STK24: variants seen among roughly 807,000 people sequenced by gnomAD.
STK24 encodes the protein serine/threonine kinase 24, also known as serine/threonine-protein kinase 24.
A neutral mutation model predicts 55.6 loss-of-function variants in STK24; 21 were observed. That is an observed-to-expected ratio of 0.38 (90% CI 0.27 to 0.54). The LOEUF is 0.54. Ranked by LOEUF, STK24 falls within the 20% of genes least tolerant of loss-of-function variation. The pLI, the probability that STK24 is intolerant of heterozygous loss-of-function variation, is 0.79. For synonymous variants in STK24, 200 were observed against 215.2 expected, an observed-to-expected ratio of 0.93 and a Z score of 0.62; for missense variants, 383 against 538.4, an observed-to-expected ratio of 0.71 and a Z score of 2.86.
At chr13:98,509,957 C>T (rs911465192) in intron 2 of STK24, among the ~76,000 whole-genome samples, 2 of 152,148 alleles carry the variant, frequency 1.3e-5, no homozygotes, top group African/African-American at 4.8e-5. Context: ...TGGATTTGAC[C>T]ACGACATATT....
intron 1 of STK24, chr13:98,543,139 A>G (rs1896934485): frequency 1.3e-5 from 6 of 459,234 alleles, no homozygotes; most frequent in Non-Finnish European, 1.7e-5. Context: ...CAAAGTTTAC[A>G]GCTTCGGGAA....
chr13:98,456,990 T>C, intron 10 of STK24, 178 bp downstream of exon 10: 3 of 774,210 alleles, frequency 3.9e-6, no homozygotes, highest in Non-Finnish European at 6.0e-6. Flanking sequence ...AGATCCTTCA[T>C]TCACATTGAT....
Position 98,475,250 on chromosome 13 carries a change from C to T in STK24, c.439G>A (p.Ala147Thr). The T allele has an allele frequency of 6.2e-7, 1 of 1,607,642 alleles. No homozygotes were observed. The highest frequency in any genetic ancestry group is 8.5e-7 in the Non-Finnish European group (1 of 1,175,760). Residue 147 changes from alanine to threonine, a missense_variant and splice_region_variant, in exon 4 of 11, where the codon GCG (alanine) becomes ACG (threonine). Physicochemically the swap from Ala to Thr is moderately conservative, Grantham distance 58. Coordinates refer to ENST00000539966, the MANE Select transcript of STK24 (RefSeq NM_001032296.4). Reference protein sequence around the residue: ...SEKKIHRDIKAANVLLSEHGE... With the variant: ...SEKKIHRDIKTANVLLSEHGE... ...GGAATGAAAACGGATGTCCTCTTAC[C>T]TTTAATGTCTCTGTGGATTTTCTTC... is the stretch of plus-strand genomic sequence containing the variant.
At chr13:98,473,454 G>A (rs1894236337) in intron 5 of STK24, among the ~76,000 whole-genome samples, 1 of 151,156 alleles carries the variant, frequency 6.6e-6, no homozygotes, top group Non-Finnish European at 1.5e-5. Context: ...TTTGATAAAT[G>A]GGGTCAGCTT....
chr13:98,534,960 G>A (rs2139408270), intron 1 of STK24, among the ~76,000 whole-genome samples: 1 of 152,308 alleles, frequency 6.6e-6, no homozygotes, highest in East Asian at 1.9e-4. Context: ...TAAATCAGCT[G>A]TTTGGGCAGC....
intron 2 of STK24, among the ~76,000 whole-genome samples, chr13:98,507,299 ACT>A (rs1343623445): frequency 6.6e-6 from 1 of 152,102 alleles, no homozygotes; most frequent in Admixed American, 6.5e-5. Flanking sequence ...GAATGAGGAA[ACT>A]CTGGCCCTAA....
At chr13:98,522,894 G>C (rs1266384787) in intron 1 of STK24, among the ~76,000 whole-genome samples, 2 of 152,202 alleles carry the variant, frequency 1.3e-5, no homozygotes, top group Non-Finnish European at 2.9e-5. Flanking sequence ...TGGAGGGAAG[G>C]GGAAAGCCCT....
At chr13:98,466,776 T>C (rs188658202) in intron 5 of STK24, among the ~76,000 whole-genome samples, 9 of 152,350 alleles carry the variant, frequency 5.9e-5, no homozygotes, top group Admixed American at 3.9e-4. Flanking sequence ...TACATGGAGA[T>C]GGCTTATCAA....
At position 98,446,550 on chromosome 13, in the gene STK24, C is replaced by T. The variant is rs1309848887; in HGVS notation, c.*6623G>A. 5.5e-6 allele frequency: 6 copies of T among 1,081,776 alleles called. No homozygotes were observed. The highest frequency in any genetic ancestry group is 3.1e-5 in the African/African-American group (2 of 64,954). 67.0% of individuals were successfully genotyped at this position (1,081,776 alleles called of 1,614,324 possible). On this transcript the variant is annotated 3_prime_UTR_variant, in exon 11 of 11. Transcript: ENST00000539966. ...GCTGCCATGGTCCCTTCCAGGCCCA[C>T]GCCCGAGGAGGGAGCTGCCTGGGCT...
At chr13:98,501,392 AGC>A (rs774456618) in intron 2 of STK24, among the ~76,000 whole-genome samples, 94 of 152,362 alleles carry the variant, frequency 6.2e-4, no homozygotes, top group Non-Finnish European at 1.2e-3. Context: ...GGGCAGGGGC[AGC>A]GAGAGAGACT....
chr13:98,526,082 T>C (rs558090160), intron 1 of STK24, among the ~76,000 whole-genome samples: 1 of 152,242 alleles, frequency 6.6e-6, no homozygotes, highest in African/African-American at 2.4e-5. Flanking sequence ...TGGAGTGCGG[T>C]GGAGGGAGGA....
intron 7 of STK24, among the ~76,000 whole-genome samples, chr13:98,462,546 T>C (rs1310715377): frequency 6.6e-6 from 1 of 151,960 alleles, no homozygotes; most frequent in African/African-American, 2.4e-5. Context: ...CCCTCGGCCA[T>C]ACCTCTCCCC....
chr13:98,457,765 C>T (rs1328786560), intron 9 of STK24, among the ~76,000 whole-genome samples: 2 of 152,176 alleles, frequency 1.3e-5, no homozygotes, highest in African/African-American at 2.4e-5. Context: ...CCACTGTGCC[C>T]GGCCCGGGTT....
intron 2 of STK24, among the ~76,000 whole-genome samples, chr13:98,507,485 T>C (rs1176685253): frequency 3.9e-5 from 6 of 152,224 alleles, no homozygotes; most frequent in South Asian, 4.1e-4. Context: ...CTCTGGGCCA[T>C]GGTTTTCTAG....
chr13:98,555,436 A>G (rs370719223), intron 1 of STK24, among the ~76,000 whole-genome samples: 17 of 151,988 alleles, frequency 1.1e-4, no homozygotes, highest in African/African-American at 4.1e-4. Context: ...AAAATTAGCC[A>G]GGCATGGTGG....
At chr13:98,565,100 C>T (rs942327750) in intron 1 of STK24, among the ~76,000 whole-genome samples, 2 of 152,190 alleles carry the variant, frequency 1.3e-5, no homozygotes, top group African/African-American at 2.4e-5. Flanking sequence ...TTCAAATGGG[C>T]AAGGCTACTG....
At chr13:98,471,688 G>A (rs1011284217) in intron 5 of STK24, among the ~76,000 whole-genome samples, 8 of 152,218 alleles carry the variant, frequency 5.3e-5, no homozygotes, top group African/African-American at 1.7e-4. Context: ...CACAGCTACT[G>A]CCAGAGGTGA....
chr13:98,552,245 A>G (rs1897175957), intron 1 of STK24, among the ~76,000 whole-genome samples: 1 of 152,168 alleles, frequency 6.6e-6, no homozygotes, highest in African/African-American at 2.4e-5. Flanking sequence ...GAGAGGCACT[A>G]TGGGGTATTT....
At chr13:98,484,198 G>A (rs1460887773) in intron 2 of STK24, among the ~76,000 whole-genome samples, 3 of 152,152 alleles carry the variant, frequency 2.0e-5, no homozygotes, top group African/African-American at 4.8e-5. Flanking sequence ...CTCGCCTGCA[G>A]GCTTCCACAA....
Sources: gnomAD v4.1 joint callset for allele counts (sites outside exome capture counted in the v4.1 genomes callset) on GRCh38, gnomAD v4.1.1 for gene constraint, MANE v1.5 for transcripts, NCBI Gene and HGNC (gene_info 2026-07-23, HGNC 2026-07-21) for gene names.